UNC13C: variants seen among roughly 807,000 people sequenced by gnomAD.
The protein encoded by UNC13C is protein unc-13 homolog C.
A neutral mutation model predicts 245.4 loss-of-function variants in UNC13C; 174 were observed. That is an observed-to-expected ratio of 0.71 (90% CI 0.63 to 0.80). The LOEUF (loss-of-function observed/expected upper bound fraction) is 0.80. Among genes scored for constraint, UNC13C ranks in the 30% least tolerant of loss-of-function variants. UNC13C has a pLI of 0.00. For synonymous variants in UNC13C, 992 were observed against 895.1 expected (o/e 1.11, Z -1.93); for missense variants, 2,829 against 2,602.9 (o/e 1.09, Z -1.89).
chr15:54,156,109 G>A (rs142573479), intron 4 of UNC13C, among the ~76,000 whole-genome samples: 192 of 152,264 alleles, frequency 1.3e-3, no homozygotes, highest in African/African-American at 4.5e-3. Flanking sequence ...TGAAAATGAC[G>A]GGGAAGAAAC....
chr15:53,997,134 G>A (rs1894671235), intron 1 of UNC13C, among the ~76,000 whole-genome samples: 1 of 152,058 alleles, frequency 6.6e-6, no homozygotes. Flanking sequence ...ATCTCATTTT[G>A]ATGTTTTTAT....
chr15:54,552,525 ATAATAATATAATTATATATTATATT>A (rs1896818395), intron 28 of UNC13C, among the ~76,000 whole-genome samples: 1 of 65,930 alleles, frequency 1.5e-5, no homozygotes, highest in Non-Finnish European at 2.4e-5. Context: ...TATATTATAT[ATAATAATATAATTATATATTATATT>A]GTATATAATT....
intron 25 of UNC13C, among the ~76,000 whole-genome samples, chr15:54,526,405 C>T (rs1166344399): frequency 6.6e-6 from 1 of 151,988 alleles, no homozygotes; most frequent in African/African-American, 2.4e-5. Flanking sequence ...TTATTTTAAA[C>T]TATGTGTTCA....
intron 1 of UNC13C, among the ~76,000 whole-genome samples, chr15:54,002,104 G>A (rs1356836826): frequency 6.6e-6 from 1 of 152,162 alleles, no homozygotes; most frequent in Non-Finnish European, 1.5e-5. Flanking sequence ...GGCTAACACG[G>A]TGAAACACCG....
intron 1 of UNC13C, among the ~76,000 whole-genome samples, 95 bp downstream of exon 1, chr15:53,979,022 C>G (rs1893815743): frequency 6.6e-6 from 1 of 152,136 alleles, no homozygotes; most frequent in Admixed American, 6.5e-5. Context: ...ACTTGGAAAT[C>G]ACAACCATGG....
At chr15:54,394,953 A>G (rs1418193956) in intron 18 of UNC13C, among the ~76,000 whole-genome samples, 1 of 151,902 alleles carries the variant, frequency 6.6e-6, no homozygotes, top group Non-Finnish European at 1.5e-5. Flanking sequence ...TAAGCCTACC[A>G]AGTATAAAAA....
At chr15:54,457,892 G>GTTTTTTTTTTTTTTTCTTTTTTTTT (rs34133938) in intron 19 of UNC13C, among the ~76,000 whole-genome samples, 1 of 122,992 alleles carries the variant, frequency 8.1e-6, no homozygotes, top group African/African-American at 3.1e-5. Flanking sequence ...TCTGCTTTTC[G>GTTTTTTTTTTTTTTTCTTTTTTTTT]TTTTTTTTTT....
At chr15:53,855,225 T>C in the UNC13C span, among the ~76,000 whole-genome samples, 42 of 152,206 alleles carry the variant, frequency 2.8e-4, no homozygotes, top group Admixed American at 2.8e-3. Context: ...AGATACAGAA[T>C]CATGTCATCT....
intron 13 of UNC13C, among the ~76,000 whole-genome samples, chr15:54,315,929 A>G (rs4457945): frequency 0.29 from 44,522 of 151,508 alleles, 6,985 homozygotes; most frequent in Admixed American, 0.38. Context: ...ATCTACACAC[A>G]ACTACTCTAG....
intron 17 of UNC13C, among the ~76,000 whole-genome samples, chr15:54,357,243 A>G (rs988595404): frequency 1.3e-5 from 2 of 152,024 alleles, no homozygotes; most frequent in African/African-American, 4.8e-5. Flanking sequence ...TGATGAAAAC[A>G]TTGTCTTAAA....
In UNC13C at chr15:53,992,876, A is replaced by C. The variant is rs28743135; in HGVS notation, c.-257+13949A>C. On this transcript the variant is annotated intron_variant, in intron 1 of 32. Coordinates refer to ENST00000260323, the MANE Select transcript of UNC13C (RefSeq NM_001080534.3). The stretch of plus-strand genomic sequence containing the variant: ...CCTAGCAACAGTTACTGTATTCCAG[A>C]GTATGAATCACTTCTTCCCCTGAAC... 1.0e-2 allele frequency among the ~76,000 whole-genome samples: 1,517 copies of C among 152,196 alleles called. 27 individuals are homozygous for C. The highest frequency in any genetic ancestry group is 0.035 in the African/African-American group (1,469 of 41,548).
chr15:54,233,738 TG>T (rs2035613591), intron 4 of UNC13C, among the ~76,000 whole-genome samples: 1 of 152,212 alleles, frequency 6.6e-6, no homozygotes, highest in African/African-American at 2.4e-5. Context: ...GCCATCTCTC[TG>T]CTGACGGAAA....
At chr15:54,051,317 T>A (rs955277605) in intron 2 of UNC13C, among the ~76,000 whole-genome samples, 7 of 152,214 alleles carry the variant, frequency 4.6e-5, no homozygotes, top group Non-Finnish European at 8.8e-5. Context: ...TGCAATTTCA[T>A]CATTTTCCAA....
At chr15:53,946,284 G>T in the UNC13C span, among the ~76,000 whole-genome samples, 1 of 151,990 alleles carries the variant, frequency 6.6e-6, no homozygotes, top group Non-Finnish European at 1.5e-5. Context: ...AATAGGAGTG[G>T]TGAGTGAGGA....
chr15:54,479,746 G>A (rs538230943), intron 19 of UNC13C, among the ~76,000 whole-genome samples: 66 of 151,804 alleles, frequency 4.3e-4, no homozygotes, highest in African/African-American at 1.5e-3. Context: ...CACTCTACTA[G>A]TAAATTTTAT....
chr15:53,867,427 T>G, the UNC13C span, among the ~76,000 whole-genome samples: 1 of 152,196 alleles, frequency 6.6e-6, no homozygotes, highest in African/African-American at 2.4e-5. Flanking sequence ...GGCATCCACA[T>G]CCTGCCTCCC....
In UNC13C at chr15:54,467,474, G is replaced by A. The variant is rs371169153; in HGVS notation, c.4934-27134G>A. On this transcript the variant is annotated intron_variant, in intron 19 of 32. Coordinates refer to ENST00000260323, the MANE Select transcript of UNC13C (RefSeq NM_001080534.3). The stretch of plus-strand genomic sequence containing the variant: ...CCTCAAATATTTATCATTTCTTTCT[G>A]ATGGGAACATTTAAATTCCTCTCCC... Among the ~76,000 whole-genome samples, 7 of 151,156 alleles carry A rather than the reference G, an allele frequency of 4.6e-5. 1 individual carries two copies. Among genetic ancestry groups the A allele is most frequent in the East Asian group, 1.9e-4 (1 of 5,154 alleles).
intron 4 of UNC13C, among the ~76,000 whole-genome samples, chr15:54,202,446 G>A (rs923268878): frequency 7.2e-5 from 11 of 151,954 alleles, no homozygotes; most frequent in Admixed American, 7.2e-4. Context: ...CACCAAAATA[G>A]CATAGTACTG....
intron 4 of UNC13C, among the ~76,000 whole-genome samples, chr15:54,162,489 A>C (rs2033015086): frequency 6.6e-6 from 1 of 152,080 alleles, no homozygotes; most frequent in Admixed American, 6.5e-5. Context: ...AAATTTCAAA[A>C]TCTCTCTCCC....
Sources: allele counts gnomAD v4.1 joint callset (sites outside exome capture counted in the v4.1 genomes callset), GRCh38; gene constraint gnomAD v4.1.1; transcripts MANE v1.5; gene names NCBI Gene and HGNC (gene_info 2026-07-23, HGNC 2026-07-21).